The following SLIT2 variants were observed in gnomAD, a reference collection of about 807,000 sequenced individuals.
The protein encoded by SLIT2 is slit homolog 2 protein.
In SLIT2, 41 loss-of-function variants were observed where a neutral mutation model predicts 185.7. The ratio of observed to expected loss-of-function variants is 0.22; its 90% CI spans 0.17 to 0.29. SLIT2 has a LOEUF of 0.29. Ranked by LOEUF, SLIT2 falls within the 10% of genes least tolerant of loss-of-function variation. The probability of loss-of-function intolerance (pLI) is 1.00; values close to 1 mark genes in which losing one functional copy is unlikely to be tolerated. For synonymous variants in SLIT2, 693 were observed against 680.2 expected, an observed-to-expected ratio of 1.02 and a Z score of -0.29; for missense variants, 1,571 against 1,909.0, an observed-to-expected ratio of 0.82 and a Z score of 3.30.
At chr4:20,518,578 TATATATATA>T (rs1200996244) in intron 11 of SLIT2, among the ~76,000 whole-genome samples, 2 of 24,884 alleles carry the variant, frequency 8.0e-5, no homozygotes, top group African/African-American at 1.6e-4. Context: ...TATATATATA[TATATATATA>T]TTTTTTTTTT....
intron 4 of SLIT2, among the ~76,000 whole-genome samples, chr4:20,273,230 C>T (rs999527059): frequency 6.6e-6 from 1 of 150,848 alleles, no homozygotes; most frequent in African/African-American, 2.4e-5. Context: ...AACACATGCT[C>T]ATTGTAAAAA....
At chr4:20,255,125 G>A in intron 1 of SLIT2, 1 of 445,990 alleles carries the variant, frequency 2.2e-6, no homozygotes, top group South Asian at 1.6e-5. Flanking sequence ...AGCGAAGGGC[G>A]CGGGGCTAGG....
intron 31 of SLIT2, 23 bp from the exon 32 acceptor site, chr4:20,596,390 ATT>A: frequency 6.3e-7 from 1 of 1,595,278 alleles, no homozygotes; most frequent in Middle Eastern, 1.7e-4. Flanking sequence ...GTATTAACTA[ATT>A]TTTTTTTCTC....
At position 20,258,058 on chromosome 4, in the gene SLIT2, A is replaced by T. The variant is rs1196532304; in HGVS notation, c.323+119A>T. On this transcript the variant is annotated intron_variant, in intron 3 of 36. Coordinates refer to ENST00000504154, the MANE Select transcript of SLIT2 (RefSeq NM_004787.4). ...GGGTTTGAAATTTTGCAGAAAAAGG[A>T]GGATGAATGAGTGGTTTTCAGGTTA... 8.9e-6 allele frequency: 5 copies of T among 563,262 alleles called. No individual in the cohort carries two copies. The African/African-American group carries it at 9.6e-5, about 11-fold the overall frequency. 34.9% of individuals were successfully genotyped at this position (563,262 alleles called of 1,614,324 possible). A position where few individuals can be genotyped will look rare whatever the true frequency, so the allele number is the denominator to read the frequency against.
At chr4:20,267,613 T>C (rs1027365406) in intron 3 of SLIT2, among the ~76,000 whole-genome samples, 1 of 151,874 alleles carries the variant, frequency 6.6e-6, no homozygotes, top group African/African-American at 2.4e-5. Flanking sequence ...AGTTGAGAGT[T>C]TCCATTTCTT....
At chr4:20,324,381 A>G (rs1460140695) in intron 4 of SLIT2, among the ~76,000 whole-genome samples, 1 of 138,202 alleles carries the variant, frequency 7.2e-6, no homozygotes, top group African/African-American at 3.0e-5. Context: ...CACCCCGACC[A>G]GGCCATTTCC....
At chr4:20,419,335 T>C (rs1219529671) in intron 4 of SLIT2, among the ~76,000 whole-genome samples, 3 of 152,212 alleles carry the variant, frequency 2.0e-5, no homozygotes, top group African/African-American at 7.2e-5. Context: ...TACACACATA[T>C]GTGTATGTAT....
intron 4 of SLIT2, among the ~76,000 whole-genome samples, chr4:20,452,515 G>C (rs996578403): frequency 3.9e-5 from 6 of 152,100 alleles, no homozygotes; most frequent in African/African-American, 1.4e-4. Flanking sequence ...TTTTGCACAA[G>C]TTGTTCTTTG....
rs141641400 is a variant in SLIT2 at position 20,515,241 on chromosome 4, G to A, written c.1058+4104G>A. 7.7e-4 allele frequency among the ~76,000 whole-genome samples: 117 copies of A among 152,156 alleles called. 1 individual carries two copies. The highest frequency in any genetic ancestry group is 1.5e-3 in the South Asian group (7 of 4,822). Reference sequence around the variant, plus strand: ...GTTACTTCCCTGCTGGCTTTGTTACGGAGTAAACATCAAGAAATAATATGT... The same window carrying A: ...GTTACTTCCCTGCTGGCTTTGTTACAGAGTAAACATCAAGAAATAATATGT... On this transcript the variant is annotated intron_variant, in intron 11 of 36. Coordinates refer to ENST00000504154, the MANE Select transcript of SLIT2 (RefSeq NM_004787.4).
At chr4:20,541,641 T>C in intron 20 of SLIT2, 22 bp downstream of exon 20, 2 of 1,608,236 alleles carry the variant, frequency 1.2e-6, no homozygotes, top group Non-Finnish European at 1.7e-6. Flanking sequence ...TTATCAACTC[T>C]TTGATTGTCA....
At chr4:20,453,051 C>T (rs1423347003) in intron 4 of SLIT2, among the ~76,000 whole-genome samples, 1 of 152,184 alleles carries the variant, frequency 6.6e-6, no homozygotes, top group Non-Finnish European at 1.5e-5. Context: ...TATCTGCTAG[C>T]TGCATAATCA....
intron 4 of SLIT2, among the ~76,000 whole-genome samples, chr4:20,414,169 G>T (rs190707226): frequency 1.3e-5 from 2 of 152,088 alleles, no homozygotes; most frequent in East Asian, 1.9e-4. Context: ...CTTCTGCTCT[G>T]CAGATTACAA....
chr4:20,512,116 G>A (rs77461338), intron 11 of SLIT2, among the ~76,000 whole-genome samples: 3,220 of 152,286 alleles, frequency 0.021, 52 homozygotes, highest in Non-Finnish European at 0.032. Context: ...GAAAGTGGAA[G>A]TCGGCACATT....
intron 9 of SLIT2, among the ~76,000 whole-genome samples, chr4:20,501,523 A>G (rs897128717): frequency 3.3e-5 from 5 of 152,124 alleles, no homozygotes; most frequent in African/African-American, 9.7e-5. Context: ...AGCTCCAGTG[A>G]TCTGCCTGCC....
intron 29 of SLIT2, among the ~76,000 whole-genome samples, chr4:20,574,430 G>A (rs1055718908): frequency 2.6e-5 from 4 of 152,128 alleles, no homozygotes; most frequent in Non-Finnish European, 4.4e-5. Flanking sequence ...GGAACACAAC[G>A]TGTGCTTGTC....
At position 20,510,504 on chromosome 4, in the gene SLIT2, A is replaced by G. The variant is rs558475889; in HGVS notation, c.924A>G (p.Glu308=). ...LPETITEIRL[E]QNTIKVIPPG... ...TTTTTTTTCATTGCAGACGTTTGGA[A>G]CAGAACACAATCAAAGTCATCCCTC... The change falls in exon 10 of 37, where the codon GAA becomes GAG. Residue 308 remains glutamate, a synonymous_variant. Transcript: ENST00000504154. 1 of 1,610,540 alleles carries G rather than the reference A, an allele frequency of 6.2e-7. No individual in the cohort carries two copies. The highest frequency in any genetic ancestry group is 1.3e-5 in the African/African-American group (1 of 74,942).
chr4:20,466,451 T>C (rs1398570210), intron 4 of SLIT2, among the ~76,000 whole-genome samples: 1 of 152,336 alleles, frequency 6.6e-6, no homozygotes, highest in East Asian at 1.9e-4. Flanking sequence ...TAATTTGTTG[T>C]GCTACAGACC....
chr4:20,452,920 G>A (rs1461217612), intron 4 of SLIT2, among the ~76,000 whole-genome samples: 1 of 152,112 alleles, frequency 6.6e-6, no homozygotes, highest in Non-Finnish European at 1.5e-5. Context: ...CCCACCCAGG[G>A]TAGCCCACCA....
chr4:20,527,581 G>A (rs533671331), intron 15 of SLIT2, among the ~76,000 whole-genome samples: 18 of 152,172 alleles, frequency 1.2e-4, no homozygotes, highest in African/African-American at 2.6e-4. Flanking sequence ...CACCACACCC[G>A]GCCTTGAGAG....
Sources: allele counts gnomAD v4.1 joint callset (sites outside exome capture counted in the v4.1 genomes callset), GRCh38; gene constraint gnomAD v4.1.1; transcripts MANE v1.5; gene names NCBI Gene and HGNC (gene_info 2026-07-23, HGNC 2026-07-21).